The following KCNIP4 variants were observed in gnomAD, a reference collection of about 807,000 sequenced individuals.
KCNIP4 encodes Kv channel-interacting protein 4.
In KCNIP4, 12 loss-of-function variants were observed where a neutral mutation model predicts 34.0. The ratio of observed to expected loss-of-function variants is 0.35; its 90% CI spans 0.23 to 0.57. KCNIP4 has a LOEUF of 0.57. Ranked by LOEUF, KCNIP4 falls within the 20% of genes least tolerant of loss-of-function variation. KCNIP4 has a pLI of 0.83. For synonymous variants in KCNIP4, 124 were observed against 102.2 expected (o/e 1.21, Z -1.29); for missense variants, 238 against 311.7 (o/e 0.76, Z 1.78).
intron 1 of KCNIP4, among the ~76,000 whole-genome samples, chr4:20,978,747 T>C (rs1006886168): frequency 2.6e-5 from 4 of 152,206 alleles, no homozygotes; most frequent in Non-Finnish European, 2.9e-5. Context: ...TTGGATTTTC[T>C]TGTACTGGTC....
intron 1 of KCNIP4, among the ~76,000 whole-genome samples, chr4:21,454,453 CACTGGAG>C (rs1728760091): frequency 6.6e-6 from 1 of 152,124 alleles, no homozygotes; most frequent in African/African-American, 2.4e-5. Context: ...CAGTGCAATT[CACTGGAG>C]ACACAGTCTG....
chr4:21,269,970 T>C (rs1252049149), intron 1 of KCNIP4, among the ~76,000 whole-genome samples: 2 of 152,206 alleles, frequency 1.3e-5, no homozygotes, highest in Non-Finnish European at 2.9e-5. Context: ...ACATTAGTTC[T>C]TCCCTGTTAC....
At chr4:20,825,093 G>C (rs1262609255) in intron 3 of KCNIP4, among the ~76,000 whole-genome samples, 1 of 152,068 alleles carries the variant, frequency 6.6e-6, no homozygotes, top group East Asian at 1.9e-4. Context: ...ATTTCCCAAA[G>C]GTTTGCCAGG....
chr4:20,885,658 T>C (rs1725217544), intron 1 of KCNIP4, among the ~76,000 whole-genome samples: 1 of 152,184 alleles, frequency 6.6e-6, no homozygotes, highest in Non-Finnish European at 1.5e-5. Flanking sequence ...AAATCAGCTC[T>C]ATCTGGGCAG....
intron 1 of KCNIP4, among the ~76,000 whole-genome samples, chr4:21,177,617 G>T (rs933765129): frequency 3.3e-5 from 5 of 152,016 alleles, no homozygotes; most frequent in African/African-American, 4.8e-5. Flanking sequence ...GTTACCTGAG[G>T]TCAGGAATTT....
intron 1 of KCNIP4, among the ~76,000 whole-genome samples, chr4:21,084,849 A>G (rs1445371475): frequency 6.6e-6 from 1 of 151,600 alleles, no homozygotes; most frequent in Non-Finnish European, 1.5e-5. Flanking sequence ...ATCCAAATAT[A>G]TGATTCCTCT....
intron 1 of KCNIP4, among the ~76,000 whole-genome samples, chr4:20,948,770 A>G (rs1328231695): frequency 6.6e-6 from 1 of 152,216 alleles, no homozygotes; most frequent in African/African-American, 2.4e-5. Flanking sequence ...GTTTTCTCCT[A>G]TTATTAAAAA....
intron 1 of KCNIP4, chr4:21,304,106 A>AGAGAAGG (rs1712146313): frequency 1.8e-6 from 1 of 557,926 alleles, no homozygotes; most frequent in Admixed American, 4.1e-5. Flanking sequence ...AGAGAGAGAG[A>AGAGAAGG]GACAGAGGAG....
intron 1 of KCNIP4, among the ~76,000 whole-genome samples, chr4:21,765,836 A>AAC (rs1553929353): frequency 4.0e-5 from 6 of 149,564 alleles, no homozygotes; most frequent in South Asian, 2.1e-4. Context: ...AAAAAAAAAA[A>AAC]AAACAAACTG....
At chr4:21,239,890 C>T (rs1231289917) in intron 1 of KCNIP4, among the ~76,000 whole-genome samples, 1 of 152,030 alleles carries the variant, frequency 6.6e-6, no homozygotes, top group Admixed American at 6.6e-5. Context: ...ACCCAAAGGA[C>T]TATAAATCGT....
At chr4:21,714,819 ATTT>A (rs1306227714) in intron 1 of KCNIP4, among the ~76,000 whole-genome samples, 1 of 646 alleles carries the variant, frequency 1.5e-3, no homozygotes, top group East Asian at 0.5. Flanking sequence ...ATTTTATTTT[ATTT>A]TATTTTATTT....
chr4:20,753,828 C>T (rs1172347002), intron 4 of KCNIP4, among the ~76,000 whole-genome samples: 1 of 152,152 alleles, frequency 6.6e-6, no homozygotes, highest in Non-Finnish European at 1.5e-5. Context: ...CTACAGAACT[C>T]ATCTGACTCA....
rs1171436191 is a variant in KCNIP4, at chr4:21,455,808, CATATATATATATATATATATAT to C, written c.61+492741_61+492762del. Among the ~76,000 whole-genome samples the C allele has an allele frequency of 6.8e-4, 49 of 71,906 alleles. 1 individual carries two copies. Among genetic ancestry groups the C allele is most frequent in the Admixed American group, 2.2e-3 (13 of 5,916 alleles). The allele number at this position is 71,906 out of a possible 152,430, so 47.2% of individuals were successfully genotyped here. On this transcript the variant is annotated intron_variant, in intron 1 of 8. Coordinates refer to ENST00000382152, the MANE Select transcript of KCNIP4 (RefSeq NM_025221.6). ...TTAATGTGATAGTCTTACAGATATT[CATATATATATATATATATATAT>C]ATATATATATATATATATATATATA...
intron 1 of KCNIP4, among the ~76,000 whole-genome samples, chr4:21,214,634 T>C (rs991871359): frequency 2.6e-5 from 4 of 152,188 alleles, no homozygotes; most frequent in African/African-American, 9.7e-5. Context: ...GGCCTTACCA[T>C]TGAATACAAT....
chr4:21,170,673 A>T (rs1355512978), intron 1 of KCNIP4, among the ~76,000 whole-genome samples: 1 of 152,196 alleles, frequency 6.6e-6, no homozygotes, highest in Non-Finnish European at 1.5e-5. Flanking sequence ...TATCACAGTC[A>T]TATGTATTTT....
intron 1 of KCNIP4, among the ~76,000 whole-genome samples, chr4:21,535,334 A>G (rs927911391): frequency 2.6e-5 from 4 of 152,182 alleles, no homozygotes; most frequent in African/African-American, 9.7e-5. Context: ...GGAGAGAGTT[A>G]AATAAGGTAT....
In KCNIP4 at chr4:21,073,879, C is replaced by A. The variant is rs531483305; in HGVS notation, c.62-191170G>T. ...TGAATTTTGTCAAAGGCCTTTTCTG[C>A]ATCTATTGAGATAATCATGTGGTTT... On this transcript the variant is annotated intron_variant, in intron 1 of 8. Transcript: ENST00000382152. Among the ~76,000 whole-genome samples, 10 of 152,244 alleles carry A rather than the reference C, an allele frequency of 6.6e-5. No individual in the cohort carries two copies. The East Asian group carries it at 1.4e-3, about 21-fold the overall frequency.
chr4:21,111,949 T>G (rs1161292065), intron 1 of KCNIP4, among the ~76,000 whole-genome samples: 1 of 152,172 alleles, frequency 6.6e-6, no homozygotes, highest in Non-Finnish European at 1.5e-5. Context: ...AGTGCAATGA[T>G]AGAGCAAAAC....
rs544920750 is a variant in KCNIP4 at position 20,775,238 on chromosome 4, T to C, written c.289-16348A>G. ...CAATAGTTTCAACATATATGGCGAT[T>C]AAAATCTTGTGCTCCTATCTCCAAA... On this transcript the variant is annotated intron_variant, in intron 3 of 8. Coordinates refer to ENST00000382152, the MANE Select transcript of KCNIP4 (RefSeq NM_025221.6). Among the ~76,000 whole-genome samples, 199 of 152,256 alleles carry C rather than the reference T, an allele frequency of 1.3e-3. 4 individuals carry two copies. The South Asian group carries it at 0.04, about 30-fold the overall frequency.
Sources: allele counts gnomAD v4.1 joint callset (sites outside exome capture counted in the v4.1 genomes callset), GRCh38; gene constraint gnomAD v4.1.1; transcripts MANE v1.5; gene names NCBI Gene and HGNC (gene_info 2026-07-23, HGNC 2026-07-21).